Variants in CDKAL1 observed in about 807,000 individuals in gnomAD.
CDKAL1 encodes CDKAL1 threonylcarbamoyladenosine tRNA methylthiotransferase.
A neutral mutation model predicts 68.2 loss-of-function variants in CDKAL1; 32 were observed. That is an observed-to-expected ratio of 0.47 (90% CI 0.35 to 0.63). The LOEUF is 0.63. Among genes scored for constraint, CDKAL1 ranks in the 30% least tolerant of loss-of-function variants. CDKAL1 has a pLI of 0.00. For missense variants in CDKAL1, 606 were observed against 696.7 expected (o/e 0.87, Z 1.47); for synonymous variants, 234 against 244.3 (o/e 0.96, Z 0.39).
At chr6:21,015,095 C>A (rs980118874) in intron 11 of CDKAL1, among the ~76,000 whole-genome samples, 1 of 152,186 alleles carries the variant, frequency 6.6e-6, no homozygotes, top group African/African-American at 2.4e-5. Flanking sequence ...TCCCAGGTGT[C>A]TAGTACAGGT....
chr6:20,654,022 C>T (rs988150676), intron 5 of CDKAL1, among the ~76,000 whole-genome samples: 1 of 152,164 alleles, frequency 6.6e-6, no homozygotes, highest in Non-Finnish European at 1.5e-5. Context: ...GTTGGGATTA[C>T]AGGCATGAGC....
intron 11 of CDKAL1, among the ~76,000 whole-genome samples, chr6:21,040,592 TATTTA>T (rs1769866143): frequency 1.3e-5 from 2 of 152,204 alleles, no homozygotes; most frequent in African/African-American, 4.8e-5. Context: ...TAAAAATTCG[TATTTA>T]ATTTAGGCAC....
chr6:20,754,403 G>A (rs1402433879), intron 6 of CDKAL1, among the ~76,000 whole-genome samples: 3 of 152,140 alleles, frequency 2.0e-5, no homozygotes, highest in African/African-American at 7.2e-5. Flanking sequence ...TTTAACTGAT[G>A]TGGAGTACAT....
At chr6:20,921,942 G>A (rs891185637) in intron 9 of CDKAL1, among the ~76,000 whole-genome samples, 1 of 152,158 alleles carries the variant, frequency 6.6e-6, no homozygotes, top group Non-Finnish European at 1.5e-5. Context: ...GGGATGCCAG[G>A]CCTGATTTGC....
intron 12 of CDKAL1, among the ~76,000 whole-genome samples, chr6:21,072,164 C>A (rs1043399308): frequency 2.0e-5 from 3 of 152,186 alleles, no homozygotes; most frequent in African/African-American, 7.2e-5. Flanking sequence ...ATCTCACGCT[C>A]ATGAGAATGC....
At chr6:20,816,925 CTTAGA>C (rs1192069103) in intron 8 of CDKAL1, among the ~76,000 whole-genome samples, 1 of 152,084 alleles carries the variant, frequency 6.6e-6, no homozygotes, top group Non-Finnish European at 1.5e-5. Context: ...TAATTTAACA[CTTAGA>C]TTAGTTTCAG....
At chr6:20,848,272 G>A (rs991960236) in intron 9 of CDKAL1, among the ~76,000 whole-genome samples, 1 of 36,634 alleles carries the variant, frequency 2.7e-5, no homozygotes, top group African/African-American at 1.2e-4. Context: ...TTACTTGCTG[G>A]AAAGTTGTTT....
intron 2 of CDKAL1, among the ~76,000 whole-genome samples, chr6:20,538,277 G>A (rs1439869660): frequency 6.7e-6 from 1 of 149,488 alleles, no homozygotes; most frequent in African/African-American, 2.5e-5. Context: ...TAAGTGAACT[G>A]CCTGTTTTTC....
intron 6 of CDKAL1, among the ~76,000 whole-genome samples, chr6:20,755,385 G>C (rs1375939812): frequency 6.6e-6 from 1 of 152,132 alleles, no homozygotes; most frequent in Non-Finnish European, 1.5e-5. Context: ...CTAAATGCCT[G>C]TGTCTGTACT....
chr6:20,961,786 AAAAC>A (rs151134031), intron 10 of CDKAL1, among the ~76,000 whole-genome samples: 13,712 of 151,162 alleles, frequency 0.091, 647 homozygotes, highest in South Asian at 0.13. Flanking sequence ...AAAGAAAAGA[AAAAC>A]AAAAAAAAAA....
chr6:21,082,869 C>G (rs368852755), intron 12 of CDKAL1, among the ~76,000 whole-genome samples: 1 of 127,260 alleles, frequency 7.9e-6, no homozygotes, highest in Admixed American at 8.2e-5. Flanking sequence ...ATTTATGTTT[C>G]TTTTGTTTTT....
At chr6:20,703,977 G>A (rs572944446) in intron 5 of CDKAL1, among the ~76,000 whole-genome samples, 19 of 152,268 alleles carry the variant, frequency 1.2e-4, no homozygotes, top group African/African-American at 4.6e-4. Context: ...ATAAAATTAT[G>A]TCTTTATTGT....
chr6:21,011,769 C>T (rs186772030), intron 11 of CDKAL1, among the ~76,000 whole-genome samples: 5 of 152,280 alleles, frequency 3.3e-5, no homozygotes, highest in Admixed American at 3.3e-4. Flanking sequence ...CCCCTTTCTT[C>T]ACACAATTAT....
At chr6:21,037,800 T>C (rs2150889395) in intron 11 of CDKAL1, among the ~76,000 whole-genome samples, 1 of 150,104 alleles carries the variant, frequency 6.7e-6, no homozygotes, top group South Asian at 2.1e-4. Context: ...CTAAAGATTA[T>C]GCGATTTACA....
chr6:20,672,207 CTT>C (rs1461492725), intron 5 of CDKAL1, among the ~76,000 whole-genome samples: 2 of 145,750 alleles, frequency 1.4e-5, no homozygotes, highest in Admixed American at 7.0e-5. Flanking sequence ...TCTTTCCTTC[CTT>C]TCTTTCTTCC....
chr6:20,585,114 T>G (rs1765292994), intron 4 of CDKAL1, among the ~76,000 whole-genome samples: 1 of 149,460 alleles, frequency 6.7e-6, no homozygotes, highest in African/African-American at 2.5e-5. Flanking sequence ...TGGAGTGCAG[T>G]GACATGATCT....
At chr6:21,027,857 T>C (rs1410101790) in intron 11 of CDKAL1, among the ~76,000 whole-genome samples, 1 of 152,134 alleles carries the variant, frequency 6.6e-6, no homozygotes, top group Non-Finnish European at 1.5e-5. Context: ...TCTGGAGAAC[T>C]GAGTGTAGAT....
chr6:20,743,372 AGGTGGGGATCATTG>A (rs1450425323), intron 6 of CDKAL1, among the ~76,000 whole-genome samples: 1 of 152,178 alleles, frequency 6.6e-6, no homozygotes, highest in Non-Finnish European at 1.5e-5. Flanking sequence ...AACTTCCATG[AGGTGGGGATCATTG>A]GGTGAGCAAG....
chr6:21,161,358 C>T (rs1776917734), intron 13 of CDKAL1, among the ~76,000 whole-genome samples: 1 of 152,158 alleles, frequency 6.6e-6, no homozygotes, highest in African/African-American at 2.4e-5. Flanking sequence ...CTTTCTGCTT[C>T]ATTAAAAAAT....
Sources: gnomAD v4.1 joint callset for allele counts (sites outside exome capture counted in the v4.1 genomes callset) on GRCh38, gnomAD v4.1.1 for gene constraint, MANE v1.5 for transcripts, NCBI Gene and HGNC (gene_info 2026-07-23, HGNC 2026-07-21) for gene names.